The following THADA variants were observed in gnomAD, a reference collection of about 807,000 sequenced individuals.
THADA encodes tRNA (32-2'-O)-methyltransferase regulator THADA.
In THADA, 213 loss-of-function variants were observed where a neutral mutation model predicts 219.8. The observed-to-expected ratio is 0.97, with a 90% CI of 0.87 to 1.09. The LOEUF (loss-of-function observed/expected upper bound fraction) is 1.09, where lower values mean the gene tolerates loss of function less well. Among genes scored for constraint, THADA ranks in the 50% least tolerant of loss-of-function variants. THADA has a pLI of 0.00. For synonymous variants in THADA, 1,018 were observed against 828.9 expected (o/e 1.23, Z -3.92); for missense variants, 2,956 against 2,311.3 (o/e 1.28, Z -5.72).
rs990870240 is a variant in THADA at position 43,556,629 on chromosome 2, A to G, written c.2464-74T>C. 3 of 1,412,180 alleles carry G rather than the reference A, an allele frequency of 2.1e-6. No individual in the cohort carries two copies. The African/African-American group carries it at 4.3e-5, about 20-fold the overall frequency. 87.5% of individuals were successfully genotyped at this position (1,412,180 alleles called of 1,614,324 possible). A position where few individuals can be genotyped will look rare whatever the true frequency, so the allele number is the denominator to read the frequency against. On this transcript the variant is annotated intron_variant, in intron 16 of 37. Transcript: ENST00000405975. ...ATTTAAAAAAATAGTAAATTTTTTA[A>G]AACACAGCCTGGAGCTGAGTACAGT...
chr2:43,296,914 C>G (rs1056847629), intron 31 of THADA, among the ~76,000 whole-genome samples: 3 of 150,646 alleles, frequency 2.0e-5, no homozygotes, highest in Non-Finnish European at 3.0e-5. Context: ...AGCCGCCTGC[C>G]TTGGCCTCCC....
chr2:43,427,363 C>T (rs1678588037), intron 28 of THADA, among the ~76,000 whole-genome samples: 1 of 152,084 alleles, frequency 6.6e-6, no homozygotes. Flanking sequence ...TGCCTTGGAG[C>T]AGACAGGGCT....
chr2:43,444,734 G>C (rs958976174), intron 26 of THADA, among the ~76,000 whole-genome samples: 10 of 152,110 alleles, frequency 6.6e-5, no homozygotes, highest in Non-Finnish European at 1.2e-4. Flanking sequence ...AAAAGGTGGG[G>C]GGGGAGGTAT....
At chr2:43,577,542 CAA>C (rs1699992908) in intron 9 of THADA, among the ~76,000 whole-genome samples, 1 of 147,612 alleles carries the variant, frequency 6.8e-6, no homozygotes, top group Admixed American at 6.8e-5. Context: ...TTTTTTTAAA[CAA>C]ATGCTTTTAG....
chr2:43,308,113 T>C (rs1175402722), intron 31 of THADA, among the ~76,000 whole-genome samples: 1 of 152,136 alleles, frequency 6.6e-6, no homozygotes. Flanking sequence ...TCCAGCACTT[T>C]GGGAGGCCAA....
chr2:43,575,542 T>C (rs1699763670), intron 10 of THADA, among the ~76,000 whole-genome samples: 1 of 152,166 alleles, frequency 6.6e-6, no homozygotes, highest in Non-Finnish European at 1.5e-5. Context: ...AAGTTATTTA[T>C]TTATTTATTT....
chr2:43,508,848 A>T, intron 22 of THADA, 68 bp from the exon 23 acceptor site: 2 of 1,457,666 alleles, frequency 1.4e-6, no homozygotes, highest in Admixed American at 3.6e-5. Context: ...CTATTGATGC[A>T]CATTTACACT....
intron 28 of THADA, among the ~76,000 whole-genome samples, chr2:43,425,446 A>ATGTG (rs70963396): frequency 0.17 from 23,238 of 140,256 alleles, 1,947 homozygotes; most frequent in Middle Eastern, 0.22. Context: ...TTAAAATTGT[A>ATGTG]TGTGTGTGTG....
At position 43,574,922 on chromosome 2, in the gene THADA, G is replaced by A. The variant is rs1371415254; in HGVS notation, c.1143C>T (p.Ser381=). ...LESSSPSLTD[S]LNGNSSIVGR... ...CAACTATACTTGAATTCCCATTCAGGCTGTCCGTTAGGCTCGGGGAACTTG... is the reference window on the plus strand; with the variant it reads ...CAACTATACTTGAATTCCCATTCAGACTGTCCGTTAGGCTCGGGGAACTTG... The change falls in exon 11 of 38, where the codon AGC becomes AGT. Residue 381 remains serine, a synonymous_variant. Coordinates refer to ENST00000405975, the MANE Select transcript of THADA (RefSeq NM_022065.5). 5.6e-6 allele frequency: 9 copies of A among 1,613,922 alleles called. No individual in the cohort carries two copies. Among genetic ancestry groups the A allele is most frequent in the African/African-American group, 1.3e-5 (1 of 75,002 alleles).
At chr2:43,311,210 C>T (rs761316766) in intron 31 of THADA, among the ~76,000 whole-genome samples, 6 of 151,494 alleles carry the variant, frequency 4.0e-5, no homozygotes, top group South Asian at 4.2e-4. Context: ...CTTAAAAATG[C>T]GCAAAGGATC....
At chr2:43,398,285 G>A (rs1258882498) in intron 28 of THADA, 146 bp from the exon 29 acceptor site, 1 of 758,110 alleles carries the variant, frequency 1.3e-6, no homozygotes, top group Non-Finnish European at 2.0e-6. Flanking sequence ...ATGATGTTTT[G>A]TATCTGCACT....
chr2:43,387,005 A>C (rs1300522913), intron 29 of THADA, among the ~76,000 whole-genome samples: 1 of 152,162 alleles, frequency 6.6e-6, no homozygotes, highest in Non-Finnish European at 1.5e-5. Context: ...GAATATGGAC[A>C]AAGCTTTATG....
Position 43,574,631 on chromosome 2 carries a change from T to G in THADA, c.1434A>C (p.Pro478=). The G allele has an allele frequency of 6.2e-7, 1 of 1,613,976 alleles. No homozygotes were observed. Among genetic ancestry groups the G allele is most frequent in the South Asian group, 1.1e-5 (1 of 91,084 alleles). The change falls in exon 11 of 38, where the codon CCA becomes CCC. Residue 478 remains proline (P), a synonymous_variant. Coordinates refer to ENST00000405975, the MANE Select transcript of THADA (RefSeq NM_022065.5). ...CTCCCATCACCTCTAAGATTTGAGA[T>G]GGAATAGTTTTATCTATAGCCAAAA... is the stretch of plus-strand genomic sequence containing the variant. ...EHILAIDKTI[P]SQILEVMGDQ... is the part of the protein sequence containing the mutation.
intron 36 of THADA, among the ~76,000 whole-genome samples, chr2:43,238,417 C>G (rs962764592): frequency 1.3e-5 from 2 of 152,218 alleles, no homozygotes; most frequent in East Asian, 3.9e-4. Flanking sequence ...ATCAAAACCC[C>G]AGTCACATTC....
chr2:43,348,668 C>A (rs1029725294), intron 29 of THADA, among the ~76,000 whole-genome samples: 1 of 152,072 alleles, frequency 6.6e-6, no homozygotes, highest in East Asian at 1.9e-4. Flanking sequence ...CTGCTTTAGA[C>A]ATGGAGTTAA....
At chr2:43,247,953 G>C (rs1382455293) in intron 36 of THADA, among the ~76,000 whole-genome samples, 1 of 150,958 alleles carries the variant, frequency 6.6e-6, no homozygotes, top group Non-Finnish European at 1.5e-5. Flanking sequence ...TGAGGCGGGA[G>C]GATTACTGGA....
intron 8 of THADA, 121 bp from the exon 9 acceptor site, chr2:43,578,728 G>C (rs1044651479): frequency 3.8e-6 from 2 of 524,058 alleles, no homozygotes; most frequent in African/African-American, 2.0e-5. Flanking sequence ...CCACTTCCTG[G>C]GTGAATAGGT....
intron 26 of THADA, among the ~76,000 whole-genome samples, chr2:43,458,555 T>C (rs1683278656): frequency 6.6e-6 from 1 of 152,196 alleles, no homozygotes; most frequent in Non-Finnish European, 1.5e-5. Context: ...GTTCTGCTGA[T>C]TCGACCGCCT....
intron 7 of THADA, among the ~76,000 whole-genome samples, chr2:43,584,864 G>A (rs1390875052): frequency 6.6e-6 from 1 of 152,162 alleles, no homozygotes; most frequent in African/African-American, 2.4e-5. Context: ...TTTATCTTTA[G>A]AAAAGGTAAA....
Sources: allele counts gnomAD v4.1 joint callset (sites outside exome capture counted in the v4.1 genomes callset), GRCh38; gene constraint gnomAD v4.1.1; transcripts MANE v1.5; gene names NCBI Gene and HGNC (gene_info 2026-07-23, HGNC 2026-07-21).